The following CACNB2 variants were observed in gnomAD, a reference collection of about 807,000 sequenced individuals.
CACNB2 encodes calcium voltage-gated channel auxiliary subunit beta 2.
In CACNB2, 42 loss-of-function variants were observed where a neutral mutation model predicts 73.3. The observed-to-expected ratio is 0.57, with a 90% confidence interval of 0.45 to 0.74. CACNB2 has a LOEUF of 0.74. Ranked by LOEUF, CACNB2 falls within the 30% of genes least tolerant of loss-of-function variation. The pLI, the probability that CACNB2 is intolerant of heterozygous loss-of-function variation, is 0.00. For missense variants in CACNB2, 940 were observed against 853.0 expected (o/e 1.10, Z -1.27); for synonymous variants, 348 against 310.3 (o/e 1.12, Z -1.28).
chr10:18,149,109 T>TA (rs1225481460), intron 1 of CACNB2, among the ~76,000 whole-genome samples: 1 of 152,062 alleles, frequency 6.6e-6, no homozygotes, highest in Non-Finnish European at 1.5e-5. Context: ...AGATTGTCGC[T>TA]ACACCCCCAA....
At chr10:18,336,326 A>G (rs1295643896) in intron 2 of CACNB2, among the ~76,000 whole-genome samples, 4 of 152,214 alleles carry the variant, frequency 2.6e-5, no homozygotes, top group African/African-American at 9.7e-5. Flanking sequence ...CAATAAAATG[A>G]CGACTTAGGG....
chr10:18,190,847 G>T (rs1288137450), intron 2 of CACNB2, among the ~76,000 whole-genome samples: 4 of 152,232 alleles, frequency 2.6e-5, no homozygotes, highest in Non-Finnish European at 5.9e-5. Flanking sequence ...GGGCAGGAAA[G>T]ATAAGATGAG....
intron 2 of CACNB2, among the ~76,000 whole-genome samples, chr10:18,365,907 C>A (rs946203286): frequency 1.3e-5 from 2 of 152,208 alleles, no homozygotes; most frequent in Non-Finnish European, 2.9e-5. Context: ...ATGTAAGAAT[C>A]TGTCAATTTG....
chr10:18,527,554 C>T lies in CACNB2; in HGVS notation c.945-34C>T, dbSNP rs150371055. On this transcript the variant is annotated intron_variant, in intron 9 of 13. Transcript: ENST00000324631. ...CTATCCCCTTTGATTAGACCAATAA[C>T]CTTAAGGTCTTCTGTGACTTTTTCC... is the stretch of plus-strand genomic sequence containing the variant. 3,368 of 1,393,844 alleles carry T rather than the reference C, an allele frequency of 2.4e-3. 55 individuals are homozygous for T. The South Asian group carries it at 0.026, about 11-fold the overall frequency. 86.3% of individuals were successfully genotyped at this position (1,393,844 alleles called of 1,614,324 possible).
At chr10:18,464,061 G>A (rs921220458) in intron 3 of CACNB2, among the ~76,000 whole-genome samples, 3 of 152,022 alleles carry the variant, frequency 2.0e-5, no homozygotes, top group African/African-American at 7.2e-5. Flanking sequence ...TACCCAAGCT[G>A]TCAGCGGCCT....
At chr10:18,184,327 A>G (rs926015921) in intron 2 of CACNB2, among the ~76,000 whole-genome samples, 7 of 152,338 alleles carry the variant, frequency 4.6e-5, no homozygotes, top group African/African-American at 1.7e-4. Flanking sequence ...AGAAAAGGAA[A>G]TGAAAAATGC....
chr10:18,440,959 T>C (rs2046381626), intron 3 of CACNB2, among the ~76,000 whole-genome samples: 1 of 152,200 alleles, frequency 6.6e-6, no homozygotes, highest in Non-Finnish European at 1.5e-5. Flanking sequence ...TGATTTGATA[T>C]AAACTTCAAA....
chr10:18,240,661 A>C (rs1219094177), intron 2 of CACNB2, among the ~76,000 whole-genome samples: 2 of 152,124 alleles, frequency 1.3e-5, no homozygotes, highest in Non-Finnish European at 2.9e-5. Context: ...TTTCTGTCTA[A>C]CTGGTTACGC....
Position 18,390,322 on chromosome 10 carries a change from T to C in CACNB2, c.214-11602T>C, listed in dbSNP as rs559192521. ...CCACCTCCCGAGTTCAAGTGATTCT[T>C]CTGCCTCAGCCTCCCGAGTACCTGG... On this transcript the variant is annotated intron_variant, in intron 2 of 13. Coordinates refer to ENST00000324631, the MANE Select transcript of CACNB2 (RefSeq NM_201596.3). 2.6e-4 allele frequency among the ~76,000 whole-genome samples: 39 copies of C among 152,298 alleles called. No individual in the cohort carries two copies. The South Asian group carries it at 6.0e-3, about 23-fold the overall frequency.
In CACNB2 at chr10:18,511,780, G is replaced by A. The variant is rs140539258; in HGVS notation, c.671-2456G>A. ...AGGATGTGAAGGGAACTGAAAGAGG[G>A]CACCCAGATTGAGAAGGGACTTCGC... On this transcript the variant is annotated intron_variant, in intron 6 of 13. Transcript: ENST00000324631. Among the ~76,000 whole-genome samples, 641 of 152,252 alleles carry A rather than the reference G, an allele frequency of 4.2e-3. 5 individuals are homozygous for A. Among genetic ancestry groups the A allele is most frequent in the Admixed American group, 8.0e-3 (123 of 15,288 alleles).
intron 3 of CACNB2, among the ~76,000 whole-genome samples, chr10:18,477,919 T>C (rs528813517): frequency 1.3e-5 from 2 of 152,254 alleles, no homozygotes; most frequent in African/African-American, 4.8e-5. Flanking sequence ...GCAGAGTGAA[T>C]TGGGGTTCCA....
At chr10:18,145,649 A>C (rs1248450423) in intron 1 of CACNB2, among the ~76,000 whole-genome samples, 1 of 152,182 alleles carries the variant, frequency 6.6e-6, no homozygotes, top group East Asian at 1.9e-4. Flanking sequence ...TAAGCAAAAT[A>C]TGTTAACCTC....
chr10:18,219,731 T>C (rs1397986036), intron 2 of CACNB2, among the ~76,000 whole-genome samples: 2 of 152,000 alleles, frequency 1.3e-5, no homozygotes, highest in African/African-American at 2.4e-5. Flanking sequence ...CTGTTATTCA[T>C]CTTATCTCTG....
At chr10:18,250,187 G>C (rs2037033519) in intron 2 of CACNB2, among the ~76,000 whole-genome samples, 1 of 152,126 alleles carries the variant, frequency 6.6e-6, no homozygotes, top group South Asian at 2.1e-4. Context: ...TTCCTCATTA[G>C]CTCTTGGCAG....
chr10:18,304,540 T>G (rs1190292917), intron 2 of CACNB2, among the ~76,000 whole-genome samples: 1 of 152,008 alleles, frequency 6.6e-6, no homozygotes, highest in African/African-American at 2.4e-5. Context: ...CAATGTAACC[T>G]AAACCTGTTA....
intron 3 of CACNB2, among the ~76,000 whole-genome samples, chr10:18,446,945 G>T (rs1191565001): frequency 1.3e-5 from 2 of 152,064 alleles, no homozygotes; most frequent in African/African-American, 2.4e-5. Context: ...TGTGGTCCTA[G>T]CTACTTGGGA....
At chr10:18,377,200 G>T (rs10828609) in intron 2 of CACNB2, among the ~76,000 whole-genome samples, 17,953 of 152,064 alleles carry the variant, frequency 0.12, 1,753 homozygotes, top group East Asian at 0.57. Flanking sequence ...TTAATTAGTG[G>T]GTATGTGAGA....
intron 2 of CACNB2, among the ~76,000 whole-genome samples, chr10:18,371,997 T>A (rs2042605609): frequency 1.3e-5 from 2 of 152,246 alleles, no homozygotes; most frequent in African/African-American, 4.8e-5. Flanking sequence ...TGCATAAATG[T>A]CTTCTTTTGA....
chr10:18,486,692 G>A (rs1429255660), intron 3 of CACNB2, among the ~76,000 whole-genome samples: 3 of 152,142 alleles, frequency 2.0e-5, no homozygotes, highest in Middle Eastern at 3.2e-3. Context: ...AAGAGCATAC[G>A]GCAGTGAGAT....
Sources: gnomAD v4.1 joint callset for allele counts (sites outside exome capture counted in the v4.1 genomes callset) on GRCh38, gnomAD v4.1.1 for gene constraint, MANE v1.5 for transcripts, NCBI Gene and HGNC (gene_info 2026-07-23, HGNC 2026-07-21) for gene names.